IGF2R: variants seen among roughly 807,000 people sequenced by gnomAD.
IGF2R encodes the protein cation-independent mannose-6-phosphate receptor.
Under a neutral mutation model 270.6 loss-of-function variants are expected in IGF2R, and 91 were observed. The ratio of observed to expected loss-of-function variants is 0.34; its 90% CI spans 0.28 to 0.40. The LOEUF is 0.40. Ranked by LOEUF, IGF2R falls within the 10% of genes least tolerant of loss-of-function variation. The pLI is 1.00. For missense variants in IGF2R, 2,805 were observed against 3,188.3 expected (o/e 0.88, Z 2.90); for synonymous variants, 1,316 against 1,258.9 (o/e 1.05, Z -0.96).
chr6:160,044,428 C>G, intron 12 of IGF2R, 86 bp from the exon 13 acceptor site: 1 of 1,165,586 alleles, frequency 8.6e-7, no homozygotes, highest in East Asian at 2.4e-5. Context: ...CTTTCTCTTT[C>G]TTTCTTTTTT....
intron 1 of IGF2R, among the ~76,000 whole-genome samples, chr6:159,978,392 T>C (rs1488927868): frequency 1.3e-5 from 2 of 152,038 alleles, no homozygotes; most frequent in African/African-American, 2.4e-5. Context: ...ATGTGGTGGC[T>C]TGGTCCCAGG....
chr6:160,106,968 T>G lies in IGF2R; in HGVS notation c.*1884T>G, dbSNP rs1779634340. 6.6e-6 allele frequency: 1 copy of G among 152,382 alleles called. No homozygotes were observed. Among genetic ancestry groups the G allele is most frequent in the South Asian group, 2.1e-4 (1 of 4,832 alleles). The allele number at this position is 152,382 out of a possible 1,614,324, so 9.4% of individuals were successfully genotyped here. The stretch of plus-strand genomic sequence containing the variant: ...CAGCAGTGACTGAGAGCTACCTGCA[T>G]GGAAGCAGGAAGTTACTCCAGTGTT... On this transcript the variant is annotated 3_prime_UTR_variant, in exon 48 of 48. Transcript: ENST00000356956.
chr6:160,045,694 A>G, intron 13 of IGF2R, 51 bp from the exon 14 acceptor site: 1 of 1,608,258 alleles, frequency 6.2e-7, no homozygotes, highest in Non-Finnish European at 8.5e-7. Flanking sequence ...GAGGTAAGAT[A>G]TTTTAGGAAT....
chr6:160,009,227 G>C, intron 3 of IGF2R, 93 bp downstream of exon 3: 1 of 1,109,284 alleles, frequency 9.0e-7, no homozygotes, highest in Non-Finnish European at 1.2e-6. Context: ...GGAAGAATCA[G>C]TGAGCAAACT....
Position 159,969,363 on chromosome 6 carries a change from G to T in IGF2R, c.117G>T (p.Gln39His). The change falls in exon 1 of 48, where the codon CAG becomes CAT. Residue 39 changes from glutamine to histidine, a missense_variant. Physicochemically the swap from Gln to His is conservative, Grantham distance 24. This residue lies in a region of IGF2R where 954 missense variants were observed against 981.1 expected (regional missense o/e 0.97). Transcript: ENST00000356956. ...TCGTCGCTGCCCCGGGGTCCACGCAGGCCCAGGCCGCCCCGTTCCCCGAGC... is the reference window on the plus strand; with the variant it reads ...TCGTCGCTGCCCCGGGGTCCACGCATGCCCAGGCCGCCCCGTTCCCCGAGC... ...LLLVAAPGST[Q>H]AQAAPFPELC... is the part of the protein sequence containing the mutation. 1 of 1,294,656 alleles carries T rather than the reference G, an allele frequency of 7.7e-7. No homozygotes were observed. The highest frequency in any genetic ancestry group is 9.8e-7 in the Non-Finnish European group (1 of 1,020,050). 80.2% of individuals were successfully genotyped at this position (1,294,656 alleles called of 1,614,324 possible).
At chr6:160,074,952 T>C (rs1036213095) in intron 35 of IGF2R, among the ~76,000 whole-genome samples, 1 of 152,198 alleles carries the variant, frequency 6.6e-6, no homozygotes, top group Non-Finnish European at 1.5e-5. Context: ...TCGGGAATCA[T>C]TGCCTGGCCA....
intron 3 of IGF2R, 62 bp from the exon 4 acceptor site, chr6:160,010,625 T>A: frequency 1.9e-6 from 2 of 1,066,528 alleles, no homozygotes; most frequent in South Asian, 2.7e-5. Context: ...ATTCTCATTT[T>A]AAAGAAGAAT....
At chr6:159,972,305 C>T (rs566004742) in intron 1 of IGF2R, among the ~76,000 whole-genome samples, 23 of 152,260 alleles carry the variant, frequency 1.5e-4, no homozygotes, top group African/African-American at 5.1e-4. Flanking sequence ...CACATGGAGG[C>T]AGTCCCAAAT....
intron 1 of IGF2R, among the ~76,000 whole-genome samples, chr6:159,975,579 G>A (rs1783678248): frequency 6.6e-6 from 1 of 151,242 alleles, no homozygotes; most frequent in South Asian, 2.1e-4. Context: ...GTTTCCTGAG[G>A]CCTGACACAC....
At chr6:160,083,752 C>T (rs8191912) in intron 39 of IGF2R, among the ~76,000 whole-genome samples, 198 bp from the exon 40 acceptor site, 6,433 of 152,326 alleles carry the variant, frequency 0.042, 246 homozygotes, top group East Asian at 0.098. Context: ...TTTTATACAA[C>T]ACATATTTTT....
At chr6:160,024,417 C>G (rs564215663) in intron 4 of IGF2R, among the ~76,000 whole-genome samples, 155 bp from the exon 5 acceptor site, 2 of 152,124 alleles carry the variant, frequency 1.3e-5, no homozygotes, top group African/African-American at 4.8e-5. Context: ...GGAGCCAAGA[C>G]GTTTATTGAC....
At chr6:160,005,260 A>G (rs922401755) in intron 2 of IGF2R, 1 of 152,534 alleles carries the variant, frequency 6.6e-6, no homozygotes. Flanking sequence ...TCCGGCGGGC[A>G]GCCGCGTGAA....
chr6:159,975,177 T>G (rs888093036), intron 1 of IGF2R, among the ~76,000 whole-genome samples: 3 of 152,196 alleles, frequency 2.0e-5, no homozygotes, highest in African/African-American at 7.2e-5. Flanking sequence ...TCTGACCAAC[T>G]GGCTTCAATT....
At chr6:160,034,389 A>G in intron 9 of IGF2R, 30 bp from the exon 10 acceptor site, 1 of 1,416,584 alleles carries the variant, frequency 7.1e-7, no homozygotes, top group African/African-American at 1.4e-5. Flanking sequence ...TCTCCCAAAC[A>G]CATTTGTCTG....
chr6:160,023,309 G>A (rs1777477976), intron 4 of IGF2R, among the ~76,000 whole-genome samples: 1 of 152,054 alleles, frequency 6.6e-6, no homozygotes, highest in Admixed American at 6.5e-5. Flanking sequence ...GGGGCAGGGG[G>A]ACCTTAAGGT....
At chr6:160,009,478 G>A (rs1264317553) in intron 3 of IGF2R, among the ~76,000 whole-genome samples, 1 of 151,986 alleles carries the variant, frequency 6.6e-6, no homozygotes, top group Admixed American at 6.5e-5. Flanking sequence ...AGGTTTTAGG[G>A]CAGCATATTT....
At chr6:160,029,296 T>C (rs1434212253) in intron 6 of IGF2R, among the ~76,000 whole-genome samples, 1 of 152,152 alleles carries the variant, frequency 6.6e-6, no homozygotes, top group Non-Finnish European at 1.5e-5. Flanking sequence ...TCTTAATATA[T>C]CAAATTTATG....
At chr6:159,988,086 C>A (rs372847752) in intron 1 of IGF2R, among the ~76,000 whole-genome samples, 6 of 152,172 alleles carry the variant, frequency 3.9e-5, no homozygotes, top group Admixed American at 3.9e-4. Flanking sequence ...TTCTTTCTAG[C>A]AACCCTGATT....
intron 1 of IGF2R, among the ~76,000 whole-genome samples, chr6:159,988,092 T>C (rs1783915809): frequency 6.6e-6 from 1 of 152,232 alleles, no homozygotes. Context: ...CTAGCAACCC[T>C]GATTTCCAGA....
Sources: gnomAD v4.1 joint callset for allele counts (sites outside exome capture counted in the v4.1 genomes callset) on GRCh38, gnomAD v4.1.1 for gene constraint, gnomAD v4.1.1 regional missense constraint, MANE v1.5 for transcripts, NCBI Gene and HGNC (gene_info 2026-07-23, HGNC 2026-07-21) for gene names.